DNER: variants seen among roughly 807,000 people sequenced by gnomAD.
DNER encodes the protein delta/notch like EGF repeat containing.
In DNER, 33 loss-of-function variants were observed where a neutral mutation model predicts 78.2. The observed-to-expected ratio is 0.42, with a 90% CI of 0.32 to 0.56. The LOEUF (loss-of-function observed/expected upper bound fraction) is 0.56. Among genes scored for constraint, DNER ranks in the 20% least tolerant of loss-of-function variants. DNER has a pLI of 0.11. For synonymous variants in DNER, 417 were observed against 384.8 expected (o/e 1.08, Z -0.98); for missense variants, 918 against 975.3 (o/e 0.94, Z 0.78).
chr2:229,570,165 G>C (rs928831044), intron 4 of DNER, among the ~76,000 whole-genome samples: 3 of 152,164 alleles, frequency 2.0e-5, no homozygotes, highest in Non-Finnish European at 4.4e-5. Flanking sequence ...TATTTACCAG[G>C]AATGTAATAT....
intron 7 of DNER, among the ~76,000 whole-genome samples, chr2:229,455,672 A>T (rs1252788370): frequency 6.6e-6 from 1 of 152,092 alleles, no homozygotes; most frequent in Non-Finnish European, 1.5e-5. Context: ...CAGCCGTGGC[A>T]AGAGGTGGGA....
intron 6 of DNER, among the ~76,000 whole-genome samples, chr2:229,484,728 G>A (rs1695234941): frequency 6.6e-6 from 1 of 152,132 alleles, no homozygotes; most frequent in African/African-American, 2.4e-5. Flanking sequence ...CAATACACAA[G>A]ACAGTCTCCT....
At chr2:229,691,366 G>A (rs1223474909) in intron 1 of DNER, among the ~76,000 whole-genome samples, 1 of 151,928 alleles carries the variant, frequency 6.6e-6, no homozygotes, top group Admixed American at 6.6e-5. Context: ...TCGCAGCTCT[G>A]GTTCACTCTT....
At chr2:229,497,522 G>A (rs1363089093) in intron 6 of DNER, among the ~76,000 whole-genome samples, 2 of 150,790 alleles carry the variant, frequency 1.3e-5, no homozygotes, top group Non-Finnish European at 3.0e-5. Flanking sequence ...TTTTTTTAAA[G>A]ATAAATAAAG....
At chr2:229,394,585 T>C (rs1351433372) in intron 10 of DNER, among the ~76,000 whole-genome samples, 1 of 152,154 alleles carries the variant, frequency 6.6e-6, no homozygotes. Context: ...GTGGTGTGGC[T>C]CACCTTTTAG....
At chr2:229,511,480 C>A (rs1299565812) in intron 6 of DNER, among the ~76,000 whole-genome samples, 1 of 152,162 alleles carries the variant, frequency 6.6e-6, no homozygotes, top group Non-Finnish European at 1.5e-5. Context: ...TCCCTAGAGG[C>A]CCTCAATGTG....
intron 1 of DNER, among the ~76,000 whole-genome samples, chr2:229,612,493 C>T (rs1698067072): frequency 6.6e-6 from 1 of 152,220 alleles, no homozygotes; most frequent in Non-Finnish European, 1.5e-5. Flanking sequence ...GCTCTGGGTC[C>T]AAAACTTCCA....
At chr2:229,372,589 G>T (rs139534688) in intron 11 of DNER, among the ~76,000 whole-genome samples, 2,068 of 152,310 alleles carry the variant, frequency 0.014, 20 homozygotes, top group Non-Finnish European at 0.02. Flanking sequence ...TGGGTCTTTA[G>T]TAACTTATTT....
chr2:229,699,880 T>G (rs1166137362), intron 1 of DNER, among the ~76,000 whole-genome samples: 1 of 152,072 alleles, frequency 6.6e-6, no homozygotes, highest in Non-Finnish European at 1.5e-5. Context: ...ATTATAAGCT[T>G]CTAAAGAGCA....
chr2:229,388,166 G>A lies in DNER; in HGVS notation c.1855+99C>T. ...CTGCCTCATCTGCCAGTGACTCGGG[G>A]GCTTTCTGGTCACAGTCGGCATCTT... On this transcript the variant is annotated intron_variant, in intron 11 of 12. Coordinates refer to ENST00000341772, the MANE Select transcript of DNER (RefSeq NM_139072.4). The A allele has an allele frequency of 5.4e-6, 8 of 1,476,122 alleles. No individual in the cohort carries two copies. In the South Asian group the frequency reaches 1.1e-4, roughly 20 times the overall value. 91.4% of individuals were successfully genotyped at this position (1,476,122 alleles called of 1,614,324 possible).
rs148118348 is a variant in DNER at position 229,555,474 on chromosome 2, C to T, written c.848-8382G>A. Among the ~76,000 whole-genome samples, 670 of 152,258 alleles carry T rather than the reference C, an allele frequency of 4.4e-3. 5 individuals are homozygous for T. The highest frequency in any genetic ancestry group is 0.015 in the African/African-American group (634 of 41,544). On this transcript the variant is annotated intron_variant, in intron 4 of 12. Transcript: ENST00000341772. ...GATCCAGCTCAGAGACCACCTTATT[C>T]ATAAGCCTCTCCTCCATATTCTAGC...
At chr2:229,401,121 T>C (rs569389433) in intron 10 of DNER, among the ~76,000 whole-genome samples, 1 of 152,174 alleles carries the variant, frequency 6.6e-6, no homozygotes, top group South Asian at 2.1e-4. Context: ...GAAACCCCAA[T>C]GAGCTATCAT....
chr2:229,396,221 C>G (rs73100204), intron 10 of DNER, among the ~76,000 whole-genome samples: 1 of 152,144 alleles, frequency 6.6e-6, no homozygotes, highest in East Asian at 1.9e-4. Flanking sequence ...GCTCTAATTA[C>G]TTAGCTTAAA....
At chr2:229,595,545 G>T (rs1697696508) in intron 1 of DNER, among the ~76,000 whole-genome samples, 1 of 152,292 alleles carries the variant, frequency 6.6e-6, no homozygotes, top group Non-Finnish European at 1.5e-5. Flanking sequence ...GCCTCCCAAA[G>T]TGCTGGGATT....
intron 5 of DNER, among the ~76,000 whole-genome samples, chr2:229,516,457 G>A (rs553379348): frequency 1.1e-3 from 171 of 152,206 alleles, no homozygotes; most frequent in African/African-American, 3.8e-3. Context: ...AAAATTAGCA[G>A]CTTAGCTAAA....
At chr2:229,545,993 C>A (rs1231465220) in intron 5 of DNER, among the ~76,000 whole-genome samples, 1 of 152,206 alleles carries the variant, frequency 6.6e-6, no homozygotes, top group African/African-American at 2.4e-5. Context: ...TCTTCCATTT[C>A]TCTTGATTGT....
At chr2:229,713,209 A>T (rs1435638807) in intron 1 of DNER, among the ~76,000 whole-genome samples, 1 of 152,174 alleles carries the variant, frequency 6.6e-6, no homozygotes, top group African/African-American at 2.4e-5. Context: ...AGGTTTGGGG[A>T]TTTTCTACCC....
chr2:229,437,048 G>A (rs1437721779), intron 8 of DNER, among the ~76,000 whole-genome samples: 2 of 152,168 alleles, frequency 1.3e-5, no homozygotes, highest in East Asian at 1.9e-4. Context: ...ATCTTTGAGA[G>A]ACCCATCTCA....
At chr2:229,475,728 A>AGAGG (rs1339973973) in intron 7 of DNER, among the ~76,000 whole-genome samples, 1 of 152,186 alleles carries the variant, frequency 6.6e-6, no homozygotes, top group Non-Finnish European at 1.5e-5. Flanking sequence ...AATTACCCCC[A>AGAGG]TCTGAACTTC....
Sources: gnomAD v4.1 joint callset for allele counts (sites outside exome capture counted in the v4.1 genomes callset) on GRCh38, gnomAD v4.1.1 for gene constraint, MANE v1.5 for transcripts, NCBI Gene and HGNC (gene_info 2026-07-23, HGNC 2026-07-21) for gene names.